IGDCC3: variants seen among roughly 807,000 people sequenced by gnomAD.
IGDCC3 encodes the protein putative neuronal cell adhesion molecule.
Under a neutral mutation model 72.0 loss-of-function variants are expected in IGDCC3, and 47 were observed. The observed-to-expected ratio is 0.65, with a 90% CI of 0.52 to 0.83. The LOEUF (loss-of-function observed/expected upper bound fraction) is 0.83, where lower values mean the gene tolerates loss of function less well. Ranked by LOEUF, IGDCC3 falls within the 40% of genes least tolerant of loss-of-function variation. IGDCC3 has a pLI of 0.00. For missense variants in IGDCC3, 1,038 were observed against 1,091.3 expected (o/e 0.95, Z 0.69); for synonymous variants, 477 against 472.8 (o/e 1.01, Z -0.11).
chr15:65,337,424 T>G (rs968542738), intron 2 of IGDCC3, among the ~76,000 whole-genome samples: 2 of 152,110 alleles, frequency 1.3e-5, no homozygotes, highest in African/African-American at 4.8e-5. Flanking sequence ...GCGGCGGGTG[T>G]GTACCTCTGG....
chr15:65,358,224 G>A (rs962236975), intron 2 of IGDCC3, among the ~76,000 whole-genome samples: 6 of 151,514 alleles, frequency 4.0e-5, no homozygotes, highest in Non-Finnish European at 8.8e-5. Context: ...TCCCACCTCA[G>A]CTCCCTAAGT....
chr15:65,360,108 A>G (rs2091250972), intron 2 of IGDCC3, among the ~76,000 whole-genome samples: 1 of 152,242 alleles, frequency 6.6e-6, no homozygotes, highest in Non-Finnish European at 1.5e-5. Flanking sequence ...TATACTTGCT[A>G]TTCCAGCATG....
intron 2 of IGDCC3, 86 bp downstream of exon 2, chr15:65,375,011 G>C (rs887698662): frequency 8.2e-7 from 1 of 1,225,438 alleles, no homozygotes; most frequent in Admixed American, 1.9e-5. Context: ...CATAAGATGG[G>C]ACTGCTCCCG....
At chr15:65,361,280 T>TTA (rs2091258918) in intron 2 of IGDCC3, among the ~76,000 whole-genome samples, 1 of 147,832 alleles carries the variant, frequency 6.8e-6, no homozygotes, top group East Asian at 2.0e-4. Context: ...ATAATAATAA[T>TTA]AATAAAAAAA....
intron 2 of IGDCC3, among the ~76,000 whole-genome samples, chr15:65,362,278 C>T (rs2091266723): frequency 6.6e-6 from 1 of 152,038 alleles, no homozygotes; most frequent in Non-Finnish European, 1.5e-5. Flanking sequence ...GAGGCCCACC[C>T]AGTAGGGTAA....
At chr15:65,346,391 G>T (rs1479701233) in intron 2 of IGDCC3, among the ~76,000 whole-genome samples, 1 of 152,234 alleles carries the variant, frequency 6.6e-6, no homozygotes, top group Non-Finnish European at 1.5e-5. Flanking sequence ...CCTGTTGTGG[G>T]GGGATTGGGA....
At chr15:65,367,346 C>CAAAAAAAAAAAA (rs10609381) in intron 2 of IGDCC3, among the ~76,000 whole-genome samples, 9 of 74,304 alleles carry the variant, frequency 1.2e-4, no homozygotes, top group Non-Finnish European at 2.0e-4. Context: ...GACTTTGTCT[C>CAAAAAAAAAAAA]AAAAAAAAAA....
At chr15:65,372,536 C>T (rs776172162) in intron 2 of IGDCC3, among the ~76,000 whole-genome samples, 6 of 151,354 alleles carry the variant, frequency 4.0e-5, no homozygotes, top group Admixed American at 2.6e-4. Flanking sequence ...TCCAACCATC[C>T]GCCTCTGGCC....
intron 2 of IGDCC3, among the ~76,000 whole-genome samples, chr15:65,367,894 C>G (rs142831972): frequency 1.1e-3 from 167 of 152,196 alleles, no homozygotes; most frequent in African/African-American, 3.9e-3. Context: ...TATGCTCAGA[C>G]CCACCTGGCA....
chr15:65,359,090 T>C (rs1411285024), intron 2 of IGDCC3, among the ~76,000 whole-genome samples: 3 of 152,206 alleles, frequency 2.0e-5, no homozygotes, highest in Non-Finnish European at 4.4e-5. Context: ...GTGCTGGGAC[T>C]ACAGGTGTGA....
Position 65,334,789 on chromosome 15 carries a change from G to A in IGDCC3, c.762C>T (p.Thr254=), listed in dbSNP as rs143327105. The A allele has an allele frequency of 1.2e-3, 1,911 of 1,611,270 alleles. 4 individuals carry two copies. The highest frequency in any genetic ancestry group is 1.5e-3 in the Non-Finnish European group (1,734 of 1,178,866). Residue 254 remains threonine, a synonymous_variant, in exon 5 of 14, where the codon ACC becomes ACT. Coordinates refer to ENST00000327987, the MANE Select transcript of IGDCC3 (RefSeq NM_004884.4). Reference sequence around the variant, plus strand: ...CCGTGGCGACACACTCAAGCACCGCGGTCTGGTGCACTGTCAGGGTGAGGT... The same window carrying A: ...CCGTGGCGACACACTCAAGCACCGCAGTCTGGTGCACTGTCAGGGTGAGGT... ...PENLTLTVHQ[T]AVLECVATGN...
intron 2 of IGDCC3, among the ~76,000 whole-genome samples, chr15:65,366,157 G>A (rs767457246): frequency 1.4e-4 from 21 of 147,620 alleles, no homozygotes; most frequent in Non-Finnish European, 2.7e-4. Context: ...GCAGTGAGCC[G>A]AGATTGAGCC....
At chr15:65,353,312 A>G (rs1453024639) in intron 2 of IGDCC3, among the ~76,000 whole-genome samples, 1 of 144,488 alleles carries the variant, frequency 6.9e-6, no homozygotes, top group Non-Finnish European at 1.5e-5. Flanking sequence ...GTGCAGTGGC[A>G]CAATCTTAGC....
At chr15:65,361,496 C>T (rs2091261295) in intron 2 of IGDCC3, among the ~76,000 whole-genome samples, 1 of 151,968 alleles carries the variant, frequency 6.6e-6, no homozygotes, top group African/African-American at 2.4e-5. Context: ...AATCCCTGGC[C>T]TACCCCTCAA....
intron 1 of IGDCC3, 54 bp from the exon 2 acceptor site, chr15:65,375,456 C>T: frequency 4.2e-6 from 6 of 1,437,554 alleles, no homozygotes; most frequent in Non-Finnish European, 5.7e-6. Flanking sequence ...ATGAAATGAA[C>T]ATCCAGGAAG....
At chr15:65,372,128 C>T (rs956921594) in intron 2 of IGDCC3, among the ~76,000 whole-genome samples, 2 of 152,166 alleles carry the variant, frequency 1.3e-5, no homozygotes, top group Admixed American at 6.5e-5. Flanking sequence ...GTCAGTGAAA[C>T]CACCTTTCAA....
intron 2 of IGDCC3, among the ~76,000 whole-genome samples, chr15:65,347,231 C>G (rs1378075629): frequency 6.6e-6 from 1 of 152,178 alleles, no homozygotes; most frequent in Non-Finnish European, 1.5e-5. Context: ...ACAGATACTT[C>G]CCCCGAATTT....
chr15:65,366,227 A>G (rs3985659), intron 2 of IGDCC3, among the ~76,000 whole-genome samples: 33 of 149,088 alleles, frequency 2.2e-4, no homozygotes, highest in African/African-American at 8.2e-4. Context: ...AAAAAAAAAA[A>G]AACTAGCTGG....
chr15:65,340,715 A>G (rs918992288), intron 2 of IGDCC3, among the ~76,000 whole-genome samples: 7 of 151,752 alleles, frequency 4.6e-5, no homozygotes, highest in African/African-American at 1.7e-4. Flanking sequence ...TTAGAACCAC[A>G]TTTTCTTTTT....
Sources: allele counts gnomAD v4.1 joint callset (sites outside exome capture counted in the v4.1 genomes callset), GRCh38; gene constraint gnomAD v4.1.1; transcripts MANE v1.5; gene names NCBI Gene and HGNC (gene_info 2026-07-23, HGNC 2026-07-21).